CPXM2: variants seen among roughly 807,000 people sequenced by gnomAD.
CPXM2 encodes the protein inactive carboxypeptidase-like protein X2.
Under a neutral mutation model 86.1 loss-of-function variants are expected in CPXM2, and 66 were observed. The observed-to-expected ratio is 0.77, with a 90% CI of 0.63 to 0.94. The LOEUF is 0.94. Among genes scored for constraint, CPXM2 ranks in the 40% least tolerant of loss-of-function variants. The pLI is 0.00. For missense variants in CPXM2, 948 were observed against 1,026.3 expected, an observed-to-expected ratio of 0.92 and a Z score of 1.04; for synonymous variants, 388 against 400.2, an observed-to-expected ratio of 0.97 and a Z score of 0.36.
At position 123,891,278 on chromosome 10, in the gene CPXM2, T is replaced by C; in HGVS notation, c.304+78A>G. 11 of 1,225,766 alleles carry C rather than the reference T, an allele frequency of 9.0e-6. No individual in the cohort carries two copies. Among genetic ancestry groups the C allele is most frequent in the Non-Finnish European group, 1.2e-5 (11 of 901,370 alleles). The allele number at this position is 1,225,766 out of a possible 1,614,324, so 75.9% of individuals were successfully genotyped here. On this transcript the variant is annotated intron_variant, in intron 1 of 13. Coordinates refer to ENST00000241305, the MANE Select transcript of CPXM2 (RefSeq NM_198148.3). The surrounding 1 kb of genome is among the most constrained non-coding windows in gnomAD (Gnocchi z 5.6). ...ACTGGCCCATCCCAGACACACACAA[T>C]GGGAGAAGCCAGTTGTCCCCTGGAG...
At position 123,923,850 on chromosome 10, in the gene CPXM2, C is replaced by T. The variant is rs902369984; in HGVS notation, n.174+15627G>A. Among the ~76,000 whole-genome samples, 4 of 152,278 alleles carry T rather than the reference C, an allele frequency of 2.6e-5. No individual in the cohort carries two copies. The South Asian group carries it at 6.2e-4, about 24-fold the overall frequency. On this transcript the variant is annotated intron_variant and non_coding_transcript_variant, in intron 2 of 19. Transcript: ENST00000368854. ...GCACACGCTCTCTCCTCTTGTCTGCCTCCATGTGAGACATGCCTTTCACCT... is the reference window on the plus strand; with the variant it reads ...GCACACGCTCTCTCCTCTTGTCTGCTTCCATGTGAGACATGCCTTTCACCT...
intron 2 of CPXM2, among the ~76,000 whole-genome samples, chr10:123,864,572 C>T (rs1015390325): frequency 1.8e-4 from 27 of 152,190 alleles, no homozygotes; most frequent in African/African-American, 6.3e-4. Context: ...CCAGCTTCTT[C>T]CTTGGTAGCA....
rs373039577 is a variant in CPXM2, at chr10:123,811,230, T to C, written c.654-12031A>G. 7.9e-5 allele frequency among the ~76,000 whole-genome samples: 12 copies of C among 152,110 alleles called. No individual in the cohort carries two copies. In the East Asian group the frequency reaches 2.3e-3, roughly 29 times the overall value. ...TTGTTATATATGTATACATGTGCCA[T>C]GTTGGTGTGCTGCACCCATTAACTC... On this transcript the variant is annotated intron_variant, in intron 4 of 13. Transcript: ENST00000241305.
chr10:123,761,763 G>T, intron 11 of CPXM2, 109 bp downstream of exon 11: 1 of 1,110,208 alleles, frequency 9.0e-7, no homozygotes, highest in Non-Finnish European at 1.3e-6. Context: ...CACCGTGGCA[G>T]CCACCACTTA....
At chr10:123,933,171 G>A (rs879680882) in intron 2 of CPXM2, among the ~76,000 whole-genome samples, 3 of 152,174 alleles carry the variant, frequency 2.0e-5, no homozygotes, top group Non-Finnish European at 2.9e-5. Context: ...TGAGGCCATC[G>A]CAAGGAAGGG....
At chr10:123,863,215 A>T (rs1848894450) in intron 2 of CPXM2, among the ~76,000 whole-genome samples, 1 of 152,240 alleles carries the variant, frequency 6.6e-6, no homozygotes, top group Non-Finnish European at 1.5e-5. Flanking sequence ...CCAGTGCTTG[A>T]TCGTCCCAGC....
chr10:123,871,457 G>C (rs118133321), intron 2 of CPXM2, among the ~76,000 whole-genome samples: 1 of 152,006 alleles, frequency 6.6e-6, no homozygotes, highest in Non-Finnish European at 1.5e-5. Context: ...AGGAATTATT[G>C]GTTCAAAAGA....
chr10:123,818,293 GCATGGGCTCAGCAA>G (rs1252862792), intron 4 of CPXM2, among the ~76,000 whole-genome samples: 1 of 152,164 alleles, frequency 6.6e-6, no homozygotes, highest in African/African-American at 2.4e-5. Flanking sequence ...TGGAGGTTAC[GCATGGGCTCAGCAA>G]CATGTACTCC....
At position 123,757,771 on chromosome 10, in the gene CPXM2, C is replaced by A. The variant is rs866769302; in HGVS notation, c.1778-419G>T. 7.9e-5 allele frequency among the ~76,000 whole-genome samples: 12 copies of A among 152,246 alleles called. No individual in the cohort carries two copies. In the South Asian group the frequency reaches 1.5e-3, roughly 18 times the overall value. ...GTCTCAGCTATAGCTCTATGACAGT[C>A]TTCTATTTTGATTCCAAAAACTGCG... is the stretch of plus-strand genomic sequence containing the variant. On this transcript the variant is annotated intron_variant, in intron 11 of 13. Coordinates refer to ENST00000241305, the MANE Select transcript of CPXM2 (RefSeq NM_198148.3).
chr10:123,870,280 G>A (rs964547440), intron 2 of CPXM2, among the ~76,000 whole-genome samples: 2 of 151,924 alleles, frequency 1.3e-5, no homozygotes, highest in Admixed American at 6.6e-5. Flanking sequence ...CACAAATGAA[G>A]TTGCTTGATG....
intron 2 of CPXM2, among the ~76,000 whole-genome samples, chr10:123,912,969 C>T (rs536958074): frequency 7.2e-4 from 109 of 152,294 alleles, no homozygotes; most frequent in African/African-American, 2.3e-3. Flanking sequence ...CTCATCCACA[C>T]GGGTAGTTCT....
intron 4 of CPXM2, among the ~76,000 whole-genome samples, chr10:123,830,623 G>A (rs11814761): frequency 0.13 from 20,015 of 152,020 alleles, 1,471 homozygotes; most frequent in East Asian, 0.33. Flanking sequence ...GAAGCTGGCC[G>A]CCTCCTCTTC....
chr10:123,796,720 G>A (rs1310425841), intron 6 of CPXM2, among the ~76,000 whole-genome samples: 1 of 152,212 alleles, frequency 6.6e-6, no homozygotes, highest in African/African-American at 2.4e-5. Context: ...CATCAGAGCT[G>A]GTACCCTGCC....
At chr10:123,784,745 A>T (rs1383764647) in intron 6 of CPXM2, among the ~76,000 whole-genome samples, 1 of 152,172 alleles carries the variant, frequency 6.6e-6, no homozygotes, top group Non-Finnish European at 1.5e-5. Context: ...GATTGCTAGG[A>T]AGGTCCTCCT....
chr10:123,794,480 A>G (rs991228968), intron 6 of CPXM2, among the ~76,000 whole-genome samples: 2 of 152,158 alleles, frequency 1.3e-5, no homozygotes, highest in Non-Finnish European at 2.9e-5. Flanking sequence ...GGCAGCATGT[A>G]ATGCAGTGCT....
At chr10:123,921,591 G>T (rs1158659881) in intron 2 of CPXM2, among the ~76,000 whole-genome samples, 1 of 152,120 alleles carries the variant, frequency 6.6e-6, no homozygotes, top group Non-Finnish European at 1.5e-5. Flanking sequence ...GCTATGAGAG[G>T]CAAGGAATAA....
Position 123,791,903 on chromosome 10 carries a change from G to C in CPXM2, c.889+6073C>G, listed in dbSNP as rs565847844. Among the ~76,000 whole-genome samples the C allele has an allele frequency of 3.3e-5, 5 of 152,368 alleles. No homozygotes were observed. The South Asian group carries it at 8.3e-4, about 25-fold the overall frequency. On this transcript the variant is annotated intron_variant, in intron 6 of 13. Transcript: ENST00000241305. ...AGAGGCCATCCTTCCGAACTGAGCT[G>C]CTTCTGTACAGTGAGCAGTGGGCTT...
At chr10:123,937,962 TG>T (rs1046729847) in intron 2 of CPXM2, among the ~76,000 whole-genome samples, 1 of 152,204 alleles carries the variant, frequency 6.6e-6, no homozygotes, top group African/African-American at 2.4e-5. Flanking sequence ...GAAGCAGCTC[TG>T]TCTTCCTTCT....
At chr10:123,761,389 C>T (rs184239883) in intron 11 of CPXM2, among the ~76,000 whole-genome samples, 178 of 152,294 alleles carry the variant, frequency 1.2e-3, no homozygotes, top group African/African-American at 4.1e-3. Flanking sequence ...GGTTTACACA[C>T]AGGACATCAC....
Sources: gnomAD v4.1 joint callset for allele counts (sites outside exome capture counted in the v4.1 genomes callset) on GRCh38, gnomAD v4.1.1 for gene constraint, Gnocchi (gnomAD v3.1) non-coding constraint, MANE v1.5 for transcripts, NCBI Gene and HGNC (gene_info 2026-07-23, HGNC 2026-07-21) for gene names.